Variants in NOMO1 observed in about 807,000 individuals in gnomAD.
NOMO1 encodes NODAL modulator 1.
A neutral mutation model predicts 133.8 loss-of-function variants in NOMO1; 40 were observed. The observed-to-expected ratio is 0.30, with a 90% CI of 0.23 to 0.39. NOMO1 has a LOEUF of 0.39. Ranked by LOEUF, NOMO1 falls within the 10% of genes least tolerant of loss-of-function variation. The pLI is 1.00. For synonymous variants in NOMO1, 236 were observed against 570.5 expected (o/e 0.41, Z 8.36); for missense variants, 462 against 1,419.9 (o/e 0.33, Z 10.84).
chr16:14,881,341 G>A (rs1287164020), intron 24 of NOMO1, among the ~76,000 whole-genome samples: 1 of 151,992 alleles, frequency 6.6e-6, no homozygotes, highest in African/African-American at 2.4e-5. Context: ...CAAAATGTAT[G>A]AGAAAAGAAA....
In NOMO1 at chr16:14,881,505, A is replaced by G. The variant is rs557893305; in HGVS notation, c.2886-39A>G. ...AAACACTTGGGTCCTTCAGATAACC[A>G]TGAGAATATCTCATTCGTGCCTGTT... On this transcript the variant is annotated intron_variant, in intron 24 of 30. Coordinates refer to ENST00000287667, the MANE Select transcript of NOMO1 (RefSeq NM_014287.4). 2.5e-6 allele frequency: 4 copies of G among 1,599,330 alleles called. No homozygotes were observed. In the East Asian group the frequency reaches 6.7e-5, roughly 27 times the overall value.
chr16:14,894,505 G>GT, intron 29 of NOMO1, among the ~76,000 whole-genome samples: 1 of 151,450 alleles, frequency 6.6e-6, no homozygotes, highest in East Asian at 2.0e-4. Flanking sequence ...AGGGATGCTA[G>GT]TAGCAGTGCC....
rs767251638 is a variant in NOMO1 at position 14,846,638 on chromosome 16, G to C, written c.464G>C (p.Gly155Ala). ...AGVQVSLRNT[G>A]TEAKIQSTVT... ...GTTCAGGTGTCTCTGAGAAACACTG[G>C]GACCGAAGCAAAGATCCAGTCCACA... is the stretch of plus-strand genomic sequence containing the variant. The change falls in exon 5 of 31, where the codon GGG becomes GCG. Residue 155 changes from glycine to alanine, a missense_variant. Physicochemically the swap from Gly to Ala is moderately conservative, Grantham distance 60 (BLOSUM62 0). Coordinates refer to ENST00000287667, the MANE Select transcript of NOMO1 (RefSeq NM_014287.4). 5 of 1,363,230 alleles carry C rather than the reference G, an allele frequency of 3.7e-6. No homozygotes were observed. The highest frequency in any genetic ancestry group is 5.1e-6 in the Non-Finnish European group (5 of 982,738). The allele number at this position is 1,363,230 out of a possible 1,614,324, so 84.4% of individuals were successfully genotyped here.
rs369436605 is a variant in NOMO1, at chr16:14,866,714, C to T, written c.1806+23C>T. On this transcript the variant is annotated intron_variant, in intron 15 of 30. Coordinates refer to ENST00000287667, the MANE Select transcript of NOMO1 (RefSeq NM_014287.4). ...CTGGTATGTACGGCTTATTGAGTCT[C>T]TTATTTGGAAAAGCGCTCGCCTTGT... 126 of 1,609,668 alleles carry T rather than the reference C, an allele frequency of 7.8e-5. 2 individuals carry two copies. Among genetic ancestry groups the T allele is most frequent in the Non-Finnish European group, 1.1e-4 (125 of 1,179,632 alleles).
At chr16:14,888,520 AATGTGC>A (rs1484274173) in intron 28 of NOMO1, 1 of 159,768 alleles carries the variant, frequency 6.3e-6, no homozygotes, top group East Asian at 1.9e-4. Context: ...GGCCTCATGC[AATGTGC>A]ATGGTGCCTG....
chr16:14,885,601 C>T (rs1964312374), intron 27 of NOMO1, among the ~76,000 whole-genome samples: 2 of 150,940 alleles, frequency 1.3e-5, no homozygotes, highest in South Asian at 2.1e-4. Flanking sequence ...TCAGGGCTTG[C>T]AGGCGTGTGC....
At chr16:14,836,045 C>A (rs13329875) in intron 1 of NOMO1, among the ~76,000 whole-genome samples, 8 of 152,084 alleles carry the variant, frequency 5.3e-5, no homozygotes, top group South Asian at 2.1e-4. Context: ...TTTAACAATC[C>A]GCAGGTTTCA....
At chr16:14,850,952 C>T (rs1597095728) in intron 6 of NOMO1, among the ~76,000 whole-genome samples, 2 of 149,758 alleles carry the variant, frequency 1.3e-5, no homozygotes, top group African/African-American at 5.0e-5. Context: ...GGAATGGTGG[C>T]ATACACCTGT....
At chr16:14,866,867 G>A (rs987600127) in intron 15 of NOMO1, among the ~76,000 whole-genome samples, 176 bp downstream of exon 15, 1 of 149,850 alleles carries the variant, frequency 6.7e-6, no homozygotes, top group African/African-American at 2.5e-5. Flanking sequence ...CTCTCTCAGT[G>A]GAAGGACCCC....
intron 13 of NOMO1, 87 bp downstream of exon 13, chr16:14,864,813 T>C: frequency 6.2e-7 from 1 of 1,610,610 alleles, no homozygotes; most frequent in South Asian, 1.1e-5. Flanking sequence ...CCTTTTGCCT[T>C]TGTTGTTTGC....
At chr16:14,860,017 T>C (rs868783739) in intron 11 of NOMO1, among the ~76,000 whole-genome samples, 1 of 152,084 alleles carries the variant, frequency 6.6e-6, no homozygotes, top group Non-Finnish European at 1.5e-5. Flanking sequence ...TCTGGGGCCT[T>C]GTAGCCTTGC....
chr16:14,843,742 T>TGC lies in NOMO1; in HGVS notation c.302-931_302-930dup, dbSNP rs1555525433. Among the ~76,000 whole-genome samples the TGC allele has an allele frequency of 6.5e-4, 92 of 140,836 alleles. 2 individuals carry two copies. The highest frequency in any genetic ancestry group is 1.6e-3 in the South Asian group (7 of 4,268). The allele number at this position is 140,836 out of a possible 152,430, so 92.4% of individuals were successfully genotyped here. A position where few individuals can be genotyped will look rare whatever the true frequency, so the allele number is the denominator to read the frequency against. On this transcript the variant is annotated intron_variant, in intron 3 of 30. Transcript: ENST00000287667. The stretch of plus-strand genomic sequence containing the variant: ...GTGTGTGTGTGTGTGTGTGTGTGTG[T>TGC]GCATGTACGCGTGCAAGCACGTGTG...
intron 15 of NOMO1, among the ~76,000 whole-genome samples, chr16:14,867,324 A>G (rs377703276): frequency 0.016 from 1,533 of 95,324 alleles, 21 homozygotes; most frequent in African/African-American, 0.048. Flanking sequence ...AGTAGCTGGG[A>G]CTAGAGGTGC....
chr16:14,850,689 C>T (rs1196066723), intron 6 of NOMO1, among the ~76,000 whole-genome samples: 3 of 151,636 alleles, frequency 2.0e-5, no homozygotes, highest in Non-Finnish European at 2.9e-5. Context: ...GTAGGTTTTA[C>T]GCACTTATAA....
At chr16:14,846,799 T>G in intron 5 of NOMO1, 116 bp downstream of exon 5, 1 of 1,597,380 alleles carries the variant, frequency 6.3e-7, no homozygotes, top group South Asian at 1.1e-5. Context: ...TGATTCAGCC[T>G]CTTTGGGTGA....
intron 1 of NOMO1, among the ~76,000 whole-genome samples, chr16:14,836,050 G>T (rs1287824232): frequency 1.3e-5 from 2 of 151,958 alleles, no homozygotes; most frequent in East Asian, 1.9e-4. Flanking sequence ...CAATCCGCAG[G>T]TTTCACATTA....
chr16:14,895,850 G>GGAC lies in NOMO1; in HGVS notation c.*206_*208dup. The GGAC allele has an allele frequency of 6.4e-7, 1 of 1,553,808 alleles. No individual in the cohort carries two copies. The highest frequency in any genetic ancestry group is 8.7e-7 in the Non-Finnish European group (1 of 1,148,906). ...GAGCCCCTCGTGCAATGCAATGAATGGACCCTCCTGTCACTCTGCTGAACA... is the reference window on the plus strand; with the variant it reads ...GAGCCCCTCGTGCAATGCAATGAATGGACGACCCTCCTGTCACTCTGCTGAACA... On this transcript the variant is annotated 3_prime_UTR_variant, in exon 31 of 31. Coordinates refer to ENST00000287667, the MANE Select transcript of NOMO1 (RefSeq NM_014287.4).
chr16:14,882,835 T>G (rs1473246415), intron 26 of NOMO1, among the ~76,000 whole-genome samples, 158 bp downstream of exon 26: 1 of 151,948 alleles, frequency 6.6e-6, no homozygotes, highest in Non-Finnish European at 1.5e-5. Context: ...ACAAGCAGCA[T>G]CTTATGTGGG....
chr16:14,884,592 T>A, intron 27 of NOMO1, 110 bp downstream of exon 27: 2 of 1,545,968 alleles, frequency 1.3e-6, no homozygotes, highest in Non-Finnish European at 1.8e-6. Context: ...GTGTGACAGG[T>A]GGAGGTGCTC....
Sources: gnomAD v4.1 joint callset for allele counts (sites outside exome capture counted in the v4.1 genomes callset) on GRCh38, gnomAD v4.1.1 for gene constraint, MANE v1.5 for transcripts, NCBI Gene and HGNC (gene_info 2026-07-23, HGNC 2026-07-21) for gene names.